PITPNB: variants seen among roughly 807,000 people sequenced by gnomAD.
PITPNB encodes the protein phosphatidylinositol transfer protein beta isoform.
PITPNB carries 16 observed loss-of-function variants against 45.9 expected under a neutral mutation model. That is an observed-to-expected ratio of 0.35 (90% CI 0.24 to 0.53). The LOEUF (loss-of-function observed/expected upper bound fraction) is 0.53. Ranked by LOEUF, PITPNB falls within the 20% of genes least tolerant of loss-of-function variation. PITPNB has a pLI of 0.93. For missense variants in PITPNB, 188 were observed against 330.5 expected (o/e 0.57, Z 3.34); for synonymous variants, 112 against 108.9 (o/e 1.03, Z -0.18).
chr22:27,918,571 T>A (rs1452077223), intron 1 of PITPNB, among the ~76,000 whole-genome samples: 1 of 152,170 alleles, frequency 6.6e-6, no homozygotes, highest in Non-Finnish European at 1.5e-5. Flanking sequence ...TCTTAAAACA[T>A]GCGGAAACCA....
chr22:27,869,550 G>A (rs1293062785), intron 8 of PITPNB, among the ~76,000 whole-genome samples: 1 of 152,050 alleles, frequency 6.6e-6, no homozygotes. Context: ...GTAAAGACAC[G>A]TGAACCCGGA....
intron 8 of PITPNB, among the ~76,000 whole-genome samples, chr22:27,862,997 T>C (rs1207940175): frequency 3.9e-5 from 6 of 152,232 alleles, no homozygotes; most frequent in South Asian, 4.1e-4. Context: ...CCCAGCTTTA[T>C]TGAAATGACA....
At chr22:27,857,635 C>T (rs1163379956) in intron 10 of PITPNB, among the ~76,000 whole-genome samples, 5 of 152,202 alleles carry the variant, frequency 3.3e-5, no homozygotes, top group African/African-American at 1.2e-4. Flanking sequence ...AGGCCCTGGA[C>T]ATTCCTTGGG....
chr22:27,854,943 A>G lies in PITPNB; in HGVS notation c.769-4T>C, dbSNP rs1183111315. 6.8e-6 allele frequency: 11 copies of G among 1,610,544 alleles called. No individual in the cohort carries two copies. Among genetic ancestry groups the G allele is most frequent in the African/African-American group, 1.3e-5 (1 of 74,842 alleles). On this transcript the variant is annotated splice_region_variant and splice_polypyrimidine_tract_variant and intron_variant, in intron 10 of 11. Transcript: ENST00000335272. ...GAACGGAACCCCTCTTACGCATCTA[A>G]ACGTAAAATAAAATTGTGAGCTGCT... is the stretch of plus-strand genomic sequence containing the variant.
At chr22:27,904,505 G>C (rs932944058) in intron 3 of PITPNB, among the ~76,000 whole-genome samples, 5 of 152,184 alleles carry the variant, frequency 3.3e-5, no homozygotes, top group African/African-American at 1.2e-4. Context: ...ATGAATACGA[G>C]ATTTCTTTCT....
chr22:27,909,113 G>C (rs1935844571), intron 3 of PITPNB, among the ~76,000 whole-genome samples: 1 of 150,578 alleles, frequency 6.6e-6, no homozygotes, highest in South Asian at 2.1e-4. Context: ...AGAGGCAAAA[G>C]ATCCCCCACC....
In PITPNB at chr22:27,869,696, C is replaced by T. The variant is rs189203553; in HGVS notation, c.534+4042G>A. Among the ~76,000 whole-genome samples the T allele has an allele frequency of 5.3e-5, 8 of 152,208 alleles. No homozygotes were observed. In the East Asian group the frequency reaches 1.5e-3, roughly 29 times the overall value. On this transcript the variant is annotated intron_variant, in intron 8 of 11. Transcript: ENST00000335272. ...TATAGATCTCAGCAACCCCAAGAGA[C>T]GAAAGACAAAAGCATTATAACAATA...
chr22:27,898,378 AG>A (rs1935492895), intron 3 of PITPNB, among the ~76,000 whole-genome samples: 1 of 151,904 alleles, frequency 6.6e-6, no homozygotes, highest in African/African-American at 2.4e-5. Flanking sequence ...TTGTCTCACA[AG>A]GAAAAAAAAA....
chr22:27,916,539 C>T (rs1936079774), intron 1 of PITPNB, among the ~76,000 whole-genome samples: 1 of 152,162 alleles, frequency 6.6e-6, no homozygotes, highest in African/African-American at 2.4e-5. Context: ...GGGCCAGGTG[C>T]GGTGACTCAC....
intron 8 of PITPNB, among the ~76,000 whole-genome samples, chr22:27,861,237 G>A (rs1400749034): frequency 6.6e-6 from 1 of 151,916 alleles, no homozygotes; most frequent in East Asian, 1.9e-4. Flanking sequence ...GGAGGCAGAG[G>A]TTGCAGTGAG....
chr22:27,892,500 C>A (rs968278493), intron 7 of PITPNB, among the ~76,000 whole-genome samples: 1 of 152,116 alleles, frequency 6.6e-6, no homozygotes, highest in Non-Finnish European at 1.5e-5. Flanking sequence ...AATGGGAATG[C>A]CTTCCCCAGG....
chr22:27,873,007 C>T (rs1040469329), intron 8 of PITPNB, among the ~76,000 whole-genome samples: 2 of 152,250 alleles, frequency 1.3e-5, no homozygotes, highest in African/African-American at 2.4e-5. Flanking sequence ...GTGGCTCATG[C>T]CTGTAATCCC....
At position 27,915,537 on chromosome 22, in the gene PITPNB, T is replaced by C. The variant is rs1936051515; in HGVS notation, c.21-1190A>G. ...AAACATCTATGTCTGAATGTTCACA[T>C]TACCTCAATCTCCAACATGCACAAG... On this transcript the variant is annotated intron_variant, in intron 1 of 11. Coordinates refer to ENST00000335272, the MANE Select transcript of PITPNB (RefSeq NM_012399.5). Among the ~76,000 whole-genome samples the C allele has an allele frequency of 2.6e-5, 4 of 152,138 alleles. No homozygotes were observed. In the South Asian group the frequency reaches 8.3e-4, roughly 32 times the overall value.
At chr22:27,862,063 C>A (rs62235631) in intron 8 of PITPNB, among the ~76,000 whole-genome samples, 1 of 152,164 alleles carries the variant, frequency 6.6e-6, no homozygotes, top group Non-Finnish European at 1.5e-5. Flanking sequence ...CCTGTCTTCA[C>A]ACGGTGGTGC....
chr22:27,907,512 T>C (rs564774404), intron 3 of PITPNB, among the ~76,000 whole-genome samples: 18 of 152,274 alleles, frequency 1.2e-4, no homozygotes, highest in Non-Finnish European at 2.2e-4. Context: ...AGGTTTTTGT[T>C]CCTCACTACT....
At chr22:27,874,451 A>T (rs1341722947) in intron 7 of PITPNB, among the ~76,000 whole-genome samples, 1 of 152,200 alleles carries the variant, frequency 6.6e-6, no homozygotes, top group Non-Finnish European at 1.5e-5. Context: ...GAGGGGTGTC[A>T]CGGGACTGCC....
intron 7 of PITPNB, among the ~76,000 whole-genome samples, chr22:27,885,157 C>G (rs1407732787): frequency 1.6e-5 from 2 of 121,616 alleles, no homozygotes; most frequent in African/African-American, 6.2e-5. Context: ...TCATGGAAAG[C>G]TACTTAGACA....
intron 7 of PITPNB, among the ~76,000 whole-genome samples, chr22:27,891,563 T>C (rs1197847170): frequency 1.3e-5 from 2 of 152,172 alleles, no homozygotes; most frequent in Admixed American, 1.3e-4. Context: ...GGGAGGGACC[T>C]GTGATCCCCA....
chr22:27,886,783 T>G (rs1229066485), intron 7 of PITPNB, among the ~76,000 whole-genome samples: 1 of 152,262 alleles, frequency 6.6e-6, no homozygotes, highest in Non-Finnish European at 1.5e-5. Flanking sequence ...AACTATTTCA[T>G]GTTTGTCCTG....
Sources: allele counts gnomAD v4.1 joint callset (sites outside exome capture counted in the v4.1 genomes callset), GRCh38; gene constraint gnomAD v4.1.1; transcripts MANE v1.5; gene names NCBI Gene and HGNC (gene_info 2026-07-23, HGNC 2026-07-21).